The following IMPG2 variants were observed in gnomAD, a reference collection of about 807,000 sequenced individuals.
IMPG2 encodes IPM 200.
Under a neutral mutation model 129.2 loss-of-function variants are expected in IMPG2, and 91 were observed. The ratio of observed to expected loss-of-function variants is 0.70; its 90% CI spans 0.59 to 0.84. The LOEUF (loss-of-function observed/expected upper bound fraction) is 0.84. Among genes scored for constraint, IMPG2 ranks in the 40% least tolerant of loss-of-function variants. The probability of loss-of-function intolerance (pLI) is 0.00; values close to 1 mark genes in which losing one functional copy is unlikely to be tolerated. For synonymous variants in IMPG2, 510 were observed against 517.7 expected, an observed-to-expected ratio of 0.99 and a Z score of 0.20; for missense variants, 1,430 against 1,461.7, an observed-to-expected ratio of 0.98 and a Z score of 0.35.
At position 101,225,311 on chromosome 3, in the gene IMPG2, G is replaced by T. The variant is rs750332475; in HGVS notation, c.*1658C>A. On this transcript the variant is annotated 3_prime_UTR_variant, in exon 19 of 19. Transcript: ENST00000193391. ...GTGTACCTATACTGAACTGTTAGAGGATCCATTATGTGAGTAGGGAATGAA... is the reference window on the plus strand; with the variant it reads ...GTGTACCTATACTGAACTGTTAGAGTATCCATTATGTGAGTAGGGAATGAA... The T allele has an allele frequency of 6.6e-6, 1 of 152,258 alleles. No individual in the cohort carries two copies. Among genetic ancestry groups the T allele is most frequent in the African/African-American group, 2.4e-5 (1 of 41,472 alleles). 9.4% of individuals were successfully genotyped at this position (152,258 alleles called of 1,614,324 possible). A position where few individuals can be genotyped will look rare whatever the true frequency, so the allele number is the denominator to read the frequency against.
intron 11 of IMPG2, 124 bp from the exon 12 acceptor site, chr3:101,246,229 A>G (rs1011440361): frequency 1.2e-6 from 1 of 847,880 alleles, no homozygotes; most frequent in Non-Finnish European, 1.8e-6. Context: ...TGTATTAATA[A>G]TATTAGGAGT....
At position 101,304,020 on chromosome 3, in the gene IMPG2, CAGAT is replaced by C. The variant is rs1228467752; in HGVS notation, c.501+122_501+125del. 23 of 960,538 alleles carry C rather than the reference CAGAT, an allele frequency of 2.4e-5. No homozygotes were observed. In the East Asian group the frequency reaches 3.4e-4, roughly 14 times the overall value. 59.5% of individuals were successfully genotyped at this position (960,538 alleles called of 1,614,324 possible). ...AGGCCACACCCTAGGGCAGCTTACT[CAGAT>C]AGCCCAATTCAACAAAAGAGTAATA... is the stretch of plus-strand genomic sequence containing the variant. On this transcript the variant is annotated intron_variant, in intron 3 of 18. Coordinates refer to ENST00000193391, the MANE Select transcript of IMPG2 (RefSeq NM_016247.4).
At chr3:101,290,297 A>C (rs1451824479) in intron 4 of IMPG2, among the ~76,000 whole-genome samples, 1 of 152,132 alleles carries the variant, frequency 6.6e-6, no homozygotes, top group African/African-American at 2.4e-5. Flanking sequence ...GCTTGAGCCC[A>C]GGAGATCAAA....
rs1408482879 is a variant in IMPG2 at position 101,242,202 on chromosome 3, C to T, written c.3022+486G>A. Among the ~76,000 whole-genome samples, 6 of 152,166 alleles carry T rather than the reference C, an allele frequency of 3.9e-5. No individual in the cohort carries two copies. The East Asian group carries it at 1.2e-3, about 29-fold the overall frequency. On this transcript the variant is annotated intron_variant, in intron 14 of 18. Coordinates refer to ENST00000193391, the MANE Select transcript of IMPG2 (RefSeq NM_016247.4). ...TCATAGCTATCTTAAATTTGATATA[C>T]ACAGAATACATTCAAGTGGAGACTG...
At chr3:101,256,210 AAAGAAAG>A (rs1267849621) in intron 10 of IMPG2, among the ~76,000 whole-genome samples, 13 of 150,396 alleles carry the variant, frequency 8.6e-5, no homozygotes, top group African/African-American at 3.2e-4. Flanking sequence ...AGAAAGAAAG[AAAGAAAG>A]AAAAAAATAT....
At chr3:101,319,019 T>C (rs948897623) in intron 2 of IMPG2, among the ~76,000 whole-genome samples, 1 of 151,982 alleles carries the variant, frequency 6.6e-6, no homozygotes, top group Non-Finnish European at 1.5e-5. Context: ...CTATAAAATA[T>C]AGAAACATTA....
In IMPG2 at chr3:101,233,120, C is replaced by A. The variant is rs1245901469; in HGVS notation, c.3023-129G>T. ...CCTTTCCAGAACCATTAAAGTACAC[C>A]ATCGCCACCAATACCACACACAAAA... On this transcript the variant is annotated intron_variant, in intron 14 of 18. Transcript: ENST00000193391. 6 of 789,142 alleles carry A rather than the reference C, an allele frequency of 7.6e-6. No homozygotes were observed. The African/African-American group carries it at 1.0e-4, about 13-fold the overall frequency. The allele number at this position is 789,142 out of a possible 1,614,324, so 48.9% of individuals were successfully genotyped here.
chr3:101,280,836 C>A (rs1706885540), intron 4 of IMPG2, among the ~76,000 whole-genome samples: 1 of 152,066 alleles, frequency 6.6e-6, no homozygotes, highest in Non-Finnish European at 1.5e-5. Context: ...GTAATCCCAG[C>A]TACTCGGGAG....
Position 101,224,520 on chromosome 3 carries a change from A to T in IMPG2, c.*2449T>A, listed in dbSNP as rs1706200748. On this transcript the variant is annotated 3_prime_UTR_variant, in exon 19 of 19. Coordinates refer to ENST00000193391, the MANE Select transcript of IMPG2 (RefSeq NM_016247.4). ...AGTGTAAATGACAGTTCAGCCTAAG[A>T]CTTTTAAATGATGACATGCCATTAA... is the stretch of plus-strand genomic sequence containing the variant. 6.6e-6 allele frequency: 1 copy of T among 152,318 alleles called. No individual in the cohort carries two copies. Among genetic ancestry groups the T allele is most frequent in the East Asian group, 1.9e-4 (1 of 5,184 alleles). 9.4% of individuals were successfully genotyped at this position (152,318 alleles called of 1,614,324 possible).
chr3:101,232,710 A>T, intron 15 of IMPG2, 71 bp downstream of exon 15: 2 of 1,281,200 alleles, frequency 1.6e-6, no homozygotes, highest in Non-Finnish European at 2.3e-6. Flanking sequence ...CTAAAATTAT[A>T]GGTGCAGGCC....
chr3:101,305,694 A>G (rs1707182536), intron 2 of IMPG2, among the ~76,000 whole-genome samples: 1 of 152,148 alleles, frequency 6.6e-6, no homozygotes, highest in Non-Finnish European at 1.5e-5. Flanking sequence ...ATACACACAT[A>G]CATACATACA....
At chr3:101,249,028 G>A (rs956219873) in intron 11 of IMPG2, among the ~76,000 whole-genome samples, 25 of 152,128 alleles carry the variant, frequency 1.6e-4, no homozygotes, top group Admixed American at 1.6e-3. Flanking sequence ...CTTCCGCCAA[G>A]CCTCAATACT....
Position 101,255,515 on chromosome 3 carries a change from G to A in IMPG2, c.1154-1734C>T, listed in dbSNP as rs116155024. ...GTTTATTGTAGACCTTAATCTTCAC[G>A]CCATTCTCCTACCACTCCAGTTACT... On this transcript the variant is annotated intron_variant, in intron 10 of 18. Transcript: ENST00000193391. 2.9e-3 allele frequency among the ~76,000 whole-genome samples: 439 copies of A among 152,148 alleles called. 3 individuals are homozygous for A. The highest frequency in any genetic ancestry group is 9.6e-3 in the African/African-American group (397 of 41,524).
intron 16 of IMPG2, 98 bp downstream of exon 16, chr3:101,230,859 C>G (rs922232164): frequency 2.0e-5 from 21 of 1,066,406 alleles, no homozygotes; most frequent in Non-Finnish European, 2.6e-5. Flanking sequence ...CTCTTCCACC[C>G]AGCCAGCTCC....
At chr3:101,279,023 A>G (rs1706866463) in intron 4 of IMPG2, among the ~76,000 whole-genome samples, 1 of 152,216 alleles carries the variant, frequency 6.6e-6, no homozygotes. Flanking sequence ...AATAGGGTCC[A>G]TCAATTGTCC....
chr3:101,308,281 T>TC, intron 2 of IMPG2, among the ~76,000 whole-genome samples: 1 of 152,346 alleles, frequency 6.6e-6, no homozygotes, highest in Non-Finnish European at 1.5e-5. Context: ...GGACTCTGTG[T>TC]GGGGCCCCAA....
At chr3:101,275,781 G>C (rs1559651295) in intron 5 of IMPG2, 36 bp from the exon 6 acceptor site, 1 of 1,433,688 alleles carries the variant, frequency 7.0e-7, no homozygotes, top group Non-Finnish European at 9.8e-7. Context: ...CATGAATTCA[G>C]TCCTCGATTA....
chr3:101,236,513 T>C (rs1000951893), intron 14 of IMPG2, among the ~76,000 whole-genome samples: 16 of 151,936 alleles, frequency 1.1e-4, no homozygotes, highest in Admixed American at 7.9e-4. Context: ...GCTCATCTCA[T>C]TGGGACTGAT....
At chr3:101,272,328 CTGTT>C (rs979055161) in intron 7 of IMPG2, among the ~76,000 whole-genome samples, 2 of 152,146 alleles carry the variant, frequency 1.3e-5, no homozygotes, top group African/African-American at 4.8e-5. Flanking sequence ...TGCAAAGTGA[CTGTT>C]GGTAGACATT....
Sources: gnomAD v4.1 joint callset for allele counts (sites outside exome capture counted in the v4.1 genomes callset) on GRCh38, gnomAD v4.1.1 for gene constraint, MANE v1.5 for transcripts, NCBI Gene and HGNC (gene_info 2026-07-23, HGNC 2026-07-21) for gene names.